The following AKT3 variants were observed in gnomAD, a reference collection of about 807,000 sequenced individuals.
The protein encoded by AKT3 is AKT serine/threonine kinase 3.
In AKT3, 15 loss-of-function variants were observed where a neutral mutation model predicts 65.3. The ratio of observed to expected loss-of-function variants is 0.23; its 90% CI spans 0.15 to 0.35. AKT3 has a LOEUF of 0.35. Among genes scored for constraint, AKT3 ranks in the 10% least tolerant of loss-of-function variants. AKT3 has a pLI of 1.00. For synonymous variants in AKT3, 206 were observed against 183.8 expected, an observed-to-expected ratio of 1.12 and a Z score of -0.98; for missense variants, 243 against 576.5, an observed-to-expected ratio of 0.42 and a Z score of 5.92.
At chr1:243,692,717 G>C (rs989332717) in intron 3 of AKT3, among the ~76,000 whole-genome samples, 1 of 151,862 alleles carries the variant, frequency 6.6e-6, no homozygotes, top group African/African-American at 2.4e-5. Context: ...CAGCCCGGGG[G>C]ACAGAGTGAG....
intron 2 of AKT3, among the ~76,000 whole-genome samples, chr1:243,829,151 T>C (rs1653658854): frequency 6.6e-6 from 1 of 152,228 alleles, no homozygotes; most frequent in South Asian, 2.1e-4. Flanking sequence ...CTTCTAGTTC[T>C]TAAGTACTTC....
At chr1:243,822,974 CA>C (rs1195610555) in intron 2 of AKT3, among the ~76,000 whole-genome samples, 1 of 151,728 alleles carries the variant, frequency 6.6e-6, no homozygotes, top group Admixed American at 6.6e-5. Flanking sequence ...AGAGATGAAA[CA>C]AAAAAAGAAA....
At chr1:243,696,525 C>G (rs939812372) in intron 2 of AKT3, among the ~76,000 whole-genome samples, 18 of 151,988 alleles carry the variant, frequency 1.2e-4, no homozygotes, top group Non-Finnish European at 2.4e-4. Flanking sequence ...GCTACAAGAG[C>G]TAGAAGGCTA....
At chr1:243,850,788 C>T (rs1212165026), upstream of AKT3, among the ~76,000 whole-genome samples, 1 of 151,918 alleles carries the variant, frequency 6.6e-6, no homozygotes, top group African/African-American at 2.4e-5. Context: ...CCCCTCTCCT[C>T]TCGCGAGAAC....
chr1:243,687,311 T>C (rs955719143), intron 3 of AKT3: 2 of 152,122 alleles, frequency 1.3e-5, no homozygotes, highest in African/African-American at 2.4e-5. Context: ...ACTAAAATGA[T>C]TGGCTTGGGA....
rs1475855818 is a variant in AKT3 at position 243,501,138 on chromosome 1, CCT to C, written c.*4109_*4110del. On this transcript the variant is annotated 3_prime_UTR_variant, in exon 14 of 14. Transcript: ENST00000673466. The stretch of plus-strand genomic sequence containing the variant: ...ACTCACTCTGGTCCCAAAAGCCATT[CCT>C]CTGTCTGGCTTCGTCACAGGAGCAA... The C allele has an allele frequency of 8.6e-6, 2 of 231,420 alleles. No homozygotes were observed. The highest frequency in any genetic ancestry group is 1.2e-4 in the East Asian group (2 of 16,296). 14.3% of individuals were successfully genotyped at this position (231,420 alleles called of 1,614,324 possible).
intron 2 of AKT3, 90 bp from the exon 3 acceptor site, chr1:243,695,806 C>A: frequency 8.8e-7 from 1 of 1,131,858 alleles, no homozygotes. Flanking sequence ...ATATGTCCTA[C>A]AACACTGGCC....
intron 2 of AKT3, among the ~76,000 whole-genome samples, chr1:243,839,047 T>A (rs1695073193): frequency 6.6e-6 from 1 of 152,188 alleles, no homozygotes; most frequent in African/African-American, 2.4e-5. Flanking sequence ...TTTAACTTAT[T>A]ATCAAGGAAC....
chr1:243,666,878 C>T (rs927131484), intron 3 of AKT3, among the ~76,000 whole-genome samples: 2 of 151,942 alleles, frequency 1.3e-5, no homozygotes, highest in African/African-American at 4.8e-5. Context: ...GGTGTTTTGT[C>T]GACATGATGA....
intron 2 of AKT3, among the ~76,000 whole-genome samples, chr1:243,753,083 A>G (rs1470633898): frequency 6.6e-6 from 1 of 152,180 alleles, no homozygotes; most frequent in Non-Finnish European, 1.5e-5. Context: ...TAAGTTCTCC[A>G]AATGTCCCAT....
At chr1:243,727,289 G>GTTGATTGA (rs753057854) in intron 2 of AKT3, among the ~76,000 whole-genome samples, 3 of 152,220 alleles carry the variant, frequency 2.0e-5, no homozygotes, top group Middle Eastern at 3.4e-3. Context: ...AAGTAAGTTA[G>GTTGATTGA]TTGATTGATT....
chr1:243,691,403 TTATGA>T (rs1684682785), intron 3 of AKT3, among the ~76,000 whole-genome samples: 1 of 152,166 alleles, frequency 6.6e-6, no homozygotes, highest in Non-Finnish European at 1.5e-5. Flanking sequence ...AATGGCATAG[TTATGA>T]TATAATTTTA....
At chr1:243,576,084 T>C (rs1251541826) in intron 8 of AKT3, among the ~76,000 whole-genome samples, 2 of 152,074 alleles carry the variant, frequency 1.3e-5, no homozygotes, top group African/African-American at 2.4e-5. Context: ...GATCCACATA[T>C]GCAAATCAAT....
chr1:243,775,953 T>C (rs1276553373), intron 2 of AKT3, among the ~76,000 whole-genome samples: 1 of 152,204 alleles, frequency 6.6e-6, no homozygotes, highest in Non-Finnish European at 1.5e-5. Flanking sequence ...GCCACATAGA[T>C]ATAAAGAACA....
chr1:243,658,678 T>C (rs1277918950), intron 4 of AKT3, among the ~76,000 whole-genome samples: 2 of 152,078 alleles, frequency 1.3e-5, no homozygotes, highest in African/African-American at 2.4e-5. Context: ...CTCATGCTCA[T>C]TGTTGCACTA....
chr1:243,798,264 C>T (rs1357472196), intron 2 of AKT3, among the ~76,000 whole-genome samples: 1 of 136,054 alleles, frequency 7.4e-6, no homozygotes, highest in Non-Finnish European at 1.5e-5. Context: ...GACTGGAGTG[C>T]TGCAGTGGCA....
intron 2 of AKT3, among the ~76,000 whole-genome samples, chr1:243,817,071 G>T (rs1403475183): frequency 6.6e-6 from 1 of 152,188 alleles, no homozygotes; most frequent in African/African-American, 2.4e-5. Context: ...AATCCAGGAT[G>T]ACCTGCTAGA....
chr1:243,700,824 C>A (rs1685406896), intron 2 of AKT3, among the ~76,000 whole-genome samples: 1 of 152,040 alleles, frequency 6.6e-6, no homozygotes, highest in African/African-American at 2.4e-5. Context: ...TAATAACAAC[C>A]TGAGATGGGA....
At chr1:243,515,013 G>A (rs1315633020) in intron 12 of AKT3, among the ~76,000 whole-genome samples, 1 of 152,080 alleles carries the variant, frequency 6.6e-6, no homozygotes, top group Non-Finnish European at 1.5e-5. Context: ...TGACTGATTT[G>A]CTTGTATTTT....
Sources: gnomAD v4.1 joint callset for allele counts (sites outside exome capture counted in the v4.1 genomes callset) on GRCh38, gnomAD v4.1.1 for gene constraint, MANE v1.5 for transcripts, NCBI Gene and HGNC (gene_info 2026-07-23, HGNC 2026-07-21) for gene names.